ULK2: variants seen among roughly 807,000 people sequenced by gnomAD.
ULK2 encodes the protein serine/threonine-protein kinase ULK2.
ULK2 carries 76 observed loss-of-function variants against 127.5 expected under a neutral mutation model. The observed-to-expected ratio is 0.60, with a 90% CI of 0.50 to 0.72. The LOEUF (loss-of-function observed/expected upper bound fraction) is 0.72. ULK2 is among the 30% of genes least tolerant of loss of function. ULK2 has a pLI of 0.00. For missense variants in ULK2, 1,144 were observed against 1,295.9 expected, an observed-to-expected ratio of 0.88 and a Z score of 1.80; for synonymous variants, 452 against 461.9, an observed-to-expected ratio of 0.98 and a Z score of 0.28.
intron 7 of ULK2, 132 bp from the exon 8 acceptor site, chr17:19,843,354 A>G (rs750474998): frequency 8.5e-5 from 45 of 530,540 alleles, no homozygotes; most frequent in Non-Finnish European, 1.3e-4. Context: ...ATAGTTCTCT[A>G]ATCAAATAAT....
At chr17:19,840,156 C>A in intron 9 of ULK2, 2 of 458,356 alleles carry the variant, frequency 4.4e-6, no homozygotes, top group Non-Finnish European at 8.9e-6. Context: ...TCTATCACGC[C>A]TGGCCACTGT....
At chr17:19,798,929 G>A (rs773447434) in intron 17 of ULK2, among the ~76,000 whole-genome samples, 18 of 152,052 alleles carry the variant, frequency 1.2e-4, no homozygotes, top group South Asian at 4.2e-4. Context: ...TTGGGAGGCC[G>A]AGGCGGGTGT....
chr17:19,778,039 G>A (rs1374401232), intron 25 of ULK2, among the ~76,000 whole-genome samples: 1 of 152,000 alleles, frequency 6.6e-6, no homozygotes, highest in African/African-American at 2.4e-5. Flanking sequence ...TCCATATAAG[G>A]GTAACCTGAA....
At chr17:19,804,605 C>A in intron 15 of ULK2, 88 bp downstream of exon 15, 1 of 1,417,276 alleles carries the variant, frequency 7.1e-7, no homozygotes. Flanking sequence ...GACACTATGC[C>A]ACAGAAAGTA....
At chr17:19,866,027 A>C (rs903199754) in intron 1 of ULK2, among the ~76,000 whole-genome samples, 199 bp from the exon 2 acceptor site, 2 of 152,212 alleles carry the variant, frequency 1.3e-5, no homozygotes, top group Admixed American at 6.5e-5. Flanking sequence ...TAAAAATAAC[A>C]AATATGAAGT....
In ULK2 at chr17:19,796,155, A is replaced by C. The variant is rs2087265757; in HGVS notation, c.1937T>G (p.Leu646Arg). Residue 646 changes from leucine (L) to arginine (R), a missense_variant, in exon 19 of 27, where the codon CTC becomes CGC. Physicochemically the swap from Leu to Arg is moderately radical, Grantham distance 102. Coordinates refer to ENST00000395544, the MANE Select transcript of ULK2 (RefSeq NM_014683.4). ...CTGCCTCTCACTTCCTTGCACTAAGAGGCAATGGGCACATTCCCGTGGCTC... is the reference window on the plus strand; with the variant it reads ...CTGCCTCTCACTTCCTTGCACTAAGCGGCAATGGGCACATTCCCGTGGCTC... ...GNEPRECAHC[L>R]LVQGSERQRA... The C allele has an allele frequency of 3.7e-6, 6 of 1,614,182 alleles. No homozygotes were observed. Among genetic ancestry groups the C allele is most frequent in the Non-Finnish European group, 5.1e-6 (6 of 1,180,034 alleles).
intron 12 of ULK2, among the ~76,000 whole-genome samples, chr17:19,820,497 C>G (rs2041112451): frequency 6.6e-6 from 1 of 152,172 alleles, no homozygotes; most frequent in Non-Finnish European, 1.5e-5. Context: ...TGAGTGCAGC[C>G]TTGTTCTTTC....
At chr17:19,847,642 C>A (rs754380162) in intron 5 of ULK2, among the ~76,000 whole-genome samples, 1 of 152,142 alleles carries the variant, frequency 6.6e-6, no homozygotes, top group Non-Finnish European at 1.5e-5. Flanking sequence ...CTCCGCCTCC[C>A]GGGTTCAAGA....
At chr17:19,850,283 G>A (rs762983837) in intron 3 of ULK2, among the ~76,000 whole-genome samples, 2 of 152,070 alleles carry the variant, frequency 1.3e-5, no homozygotes, top group Admixed American at 1.3e-4. Context: ...TGGGGCAATC[G>A]CATTATCAGC....
At position 19,785,954 on chromosome 17, in the gene ULK2, C is replaced by T. The variant is rs1597712429; in HGVS notation, c.2234G>A (p.Arg745Gln). The change falls in exon 21 of 27, where the codon CGA becomes CAA. Residue 745 changes from arginine (R) to glutamine (Q), a missense_variant. By Grantham distance (43) the Arg-to-Gln change is conservative. Transcript: ENST00000395544. ...CTCCTTACCTGAGGTTGTTCTTGTTCGAAGGAACATGTGGGTACAAGTGGG... is the reference window on the plus strand; with the variant it reads ...CTCCTTACCTGAGGTTGTTCTTGTTTGAAGGAACATGTGGGTACAAGTGGG... ...AAPTCTHMFL[R>Q]TRTTSVGPSN... is the part of the protein sequence containing the mutation. 3 of 1,593,106 alleles carry T rather than the reference C, an allele frequency of 1.9e-6. No individual in the cohort carries two copies. Among genetic ancestry groups the T allele is most frequent in the Admixed American group, 1.8e-5 (1 of 56,166 alleles).
intron 7 of ULK2, among the ~76,000 whole-genome samples, chr17:19,843,444 C>T (rs1047544401): frequency 6.6e-6 from 1 of 151,762 alleles, no homozygotes; most frequent in Non-Finnish European, 1.5e-5. Context: ...TGAAAAGAGG[C>T]AAGTTATAGA....
Position 19,797,646 on chromosome 17 carries a change from A to G in ULK2, c.1559T>C (p.Leu520Pro). Residue 520 changes from leucine (L) to proline (P), a missense_variant, in exon 18 of 27, where the codon CTC (leucine) becomes CCC (proline). This residue lies in a region of ULK2 where 913 missense variants were observed against 970.5 expected (regional missense o/e 0.94). Coordinates refer to ENST00000395544, the MANE Select transcript of ULK2 (RefSeq NM_014683.4). ...GCTCTGCAGTCTAGCACCCGATAAG[A>G]GAGACTGTGGGGACTGAGCTTGTGG... ...PVPQAQSPQS[L>P]LSGARLQSAP... 1 of 1,590,172 alleles carries G rather than the reference A, an allele frequency of 6.3e-7. No homozygotes were observed. Among genetic ancestry groups the G allele is most frequent in the Non-Finnish European group, 8.6e-7 (1 of 1,167,092 alleles).
In ULK2 at chr17:19,816,769, T is replaced by TCAGG; in HGVS notation, c.1075_1076insCCTG (p.Asn359ThrfsTer2). The TCAGG allele has an allele frequency of 6.2e-7, 1 of 1,603,202 alleles. No homozygotes were observed. Among genetic ancestry groups the TCAGG allele is most frequent in the Non-Finnish European group, 8.5e-7 (1 of 1,176,756 alleles). ...CTCACATGAGTGGTCTGACGAGATG[T>TCAGG]TGTGTGGCACCAAAACAAAGTCATC... On this transcript the variant is annotated stop_gained and frameshift_variant, in exon 13 of 27. Transcript: ENST00000395544. LOFTEE classifies it high-confidence loss of function.
chr17:19,802,869 A>T lies in ULK2; in HGVS notation c.1296-947T>A, dbSNP rs533877265. 1.4e-4 allele frequency among the ~76,000 whole-genome samples: 21 copies of T among 152,340 alleles called. No homozygotes were observed. The South Asian group carries it at 4.4e-3, about 32-fold the overall frequency. On this transcript the variant is annotated intron_variant, in intron 15 of 26. Transcript: ENST00000395544. ...GCATGATTTTTTTTAACCATTCAGT[A>T]ATCTGGAAAACATTGGTTCACTGAG...
At chr17:19,835,589 C>T (rs1351329576) in intron 10 of ULK2, among the ~76,000 whole-genome samples, 1 of 150,754 alleles carries the variant, frequency 6.6e-6, no homozygotes, top group Non-Finnish European at 1.5e-5. Flanking sequence ...TGGTGGCAGG[C>T]ACCTGTAGCC....
chr17:19,780,933 A>C, intron 24 of ULK2, 53 bp downstream of exon 24: 1 of 1,521,846 alleles, frequency 6.6e-7, no homozygotes, highest in Non-Finnish European at 9.1e-7. Flanking sequence ...GTGTGATGGG[A>C]AAGAGCAACT....
intron 3 of ULK2, among the ~76,000 whole-genome samples, chr17:19,864,157 T>A (rs2042304538): frequency 6.6e-6 from 1 of 152,052 alleles, no homozygotes; most frequent in African/African-American, 2.4e-5. Context: ...ATAAAAAAAA[T>A]GTTTTTTTAA....
chr17:19,856,528 G>A (rs868204919), intron 3 of ULK2, among the ~76,000 whole-genome samples: 1 of 151,842 alleles, frequency 6.6e-6, no homozygotes. Flanking sequence ...CTTGCAGTGA[G>A]CCGAGATCGC....
chr17:19,818,589 C>T (rs371117618), intron 12 of ULK2, among the ~76,000 whole-genome samples: 6 of 151,960 alleles, frequency 3.9e-5, no homozygotes, highest in African/African-American at 9.7e-5. Context: ...CTTCCATGGG[C>T]GCTCCTCTCT....
Sources: gnomAD v4.1 joint callset for allele counts (sites outside exome capture counted in the v4.1 genomes callset) on GRCh38, gnomAD v4.1.1 for gene constraint, gnomAD v4.1.1 regional missense constraint, MANE v1.5 for transcripts, NCBI Gene and HGNC (gene_info 2026-07-23, HGNC 2026-07-21) for gene names.